The following PHF21B variants were observed in gnomAD, a reference collection of about 807,000 sequenced individuals.
PHF21B encodes the protein PHD finger protein 21B, also known as PHD finger protein 4.
PHF21B carries 22 observed loss-of-function variants against 62.2 expected under a neutral mutation model. That is an observed-to-expected ratio of 0.35 (90% CI 0.25 to 0.51). The LOEUF (loss-of-function observed/expected upper bound fraction) is 0.51, where lower values mean the gene tolerates loss of function less well. PHF21B is among the 20% of genes least tolerant of loss of function. The pLI, the probability that PHF21B is intolerant of heterozygous loss-of-function variation, is 0.97. For missense variants in PHF21B, 701 were observed against 707.9 expected (o/e 0.99, Z 0.11); for synonymous variants, 341 against 314.7 (o/e 1.08, Z -0.88).
intron 2 of PHF21B, among the ~76,000 whole-genome samples, chr22:44,950,773 CT>C (rs1242320581): frequency 1.3e-5 from 2 of 152,184 alleles, no homozygotes; most frequent in African/African-American, 2.4e-5. Context: ...TTGCTGTTTC[CT>C]TTTAAATGCA....
At chr22:44,962,184 T>C (rs2072437739) in intron 2 of PHF21B, among the ~76,000 whole-genome samples, 1 of 152,208 alleles carries the variant, frequency 6.6e-6, no homozygotes, top group African/African-American at 2.4e-5. Context: ...TTGAGAAATC[T>C]CCAAACTGCC....
rs749238504 is a variant in PHF21B at position 44,888,107 on chromosome 22, G to A, written c.1053C>T (p.His351=). 2.6e-6 allele frequency: 4 copies of A among 1,533,000 alleles called. No homozygotes were observed. The highest frequency in any genetic ancestry group is 3.5e-6 in the Non-Finnish European group (4 of 1,138,334). 95.0% of individuals were successfully genotyped at this position (1,533,000 alleles called of 1,614,324 possible). A position where few individuals can be genotyped will look rare whatever the true frequency, so the allele number is the denominator to read the frequency against. Residue 351 remains histidine (H), a synonymous_variant, in exon 10 of 13, where the codon CAC becomes CAT. Coordinates refer to ENST00000313237, the MANE Select transcript of PHF21B (RefSeq NM_138415.5). ...GCTTGCAGGCGGCACAGTGCTCATCGTGGGTGATCTCGTTCTGGAAGAGAA... is the reference window on the plus strand; with the variant it reads ...GCTTGCAGGCGGCACAGTGCTCATCATGGGTGATCTCGTTCTGGAAGAGAA... ...EDPCWKNEIT[H]DEHCAACKRG...
intron 2 of PHF21B, among the ~76,000 whole-genome samples, chr22:44,987,830 C>T (rs936246943): frequency 2.6e-5 from 4 of 152,024 alleles, no homozygotes; most frequent in Non-Finnish European, 5.9e-5. Context: ...CACCCTTCAC[C>T]CCTCATTGGC....
intron 2 of PHF21B, among the ~76,000 whole-genome samples, chr22:44,982,645 C>T (rs1400819459): frequency 6.6e-6 from 1 of 152,192 alleles, no homozygotes; most frequent in African/African-American, 2.4e-5. Flanking sequence ...GCTCAACTCC[C>T]GTCAAATGAG....
intron 2 of PHF21B, chr22:44,967,253 C>G (rs2072546684): frequency 7.4e-6 from 1 of 135,448 alleles, no homozygotes; most frequent in African/African-American, 2.8e-5. Context: ...TGGAGTCTTG[C>G]TCTGTGGCCA....
intron 2 of PHF21B, 22 bp downstream of exon 2, chr22:45,008,523 G>T (rs1455844739): frequency 1.3e-6 from 2 of 1,556,566 alleles, no homozygotes; most frequent in Non-Finnish European, 1.7e-6. Context: ...ATCCCAGGGG[G>T]GGCCGCGATC....
chr22:44,960,052 T>C (rs2072386511), intron 2 of PHF21B, among the ~76,000 whole-genome samples: 1 of 152,162 alleles, frequency 6.6e-6, no homozygotes, highest in South Asian at 2.1e-4. Context: ...TGCAACCCTC[T>C]CTAATGGCTG....
At chr22:44,966,730 A>G (rs910381814) in intron 2 of PHF21B, among the ~76,000 whole-genome samples, 1 of 152,224 alleles carries the variant, frequency 6.6e-6, no homozygotes, top group African/African-American at 2.4e-5. Flanking sequence ...CAGCAAAGCC[A>G]TCAAGACCAA....
chr22:44,978,462 C>T (rs180939103), intron 2 of PHF21B, among the ~76,000 whole-genome samples: 1 of 152,282 alleles, frequency 6.6e-6, no homozygotes, highest in East Asian at 1.9e-4. Context: ...CGGGTTCAAG[C>T]GATTCTCCTG....
At position 44,958,598 on chromosome 22, in the gene PHF21B, A is replaced by ATTTTTTTTTT. The variant is rs59943293; in HGVS notation, c.121-38118_121-38109dup. On this transcript the variant is annotated intron_variant, in intron 2 of 12. Coordinates refer to ENST00000313237, the MANE Select transcript of PHF21B (RefSeq NM_138415.5). ...AGCTTCATCTTCCAGCCTTCCTTTG[A>ATTTTTTTTTT]TTTTTTTTTTTTTTTTTTTTTTTTT... Among the ~76,000 whole-genome samples the ATTTTTTTTTT allele has an allele frequency of 1.2e-3, 91 of 75,900 alleles. 6 individuals carry two copies. Among genetic ancestry groups the ATTTTTTTTTT allele is most frequent in the Admixed American group, 1.4e-3 (6 of 4,398 alleles). 49.8% of individuals were successfully genotyped at this position (75,900 alleles called of 152,430 possible). A position where few individuals can be genotyped will look rare whatever the true frequency, so the allele number is the denominator to read the frequency against.
intron 5 of PHF21B, among the ~76,000 whole-genome samples, chr22:44,910,228 C>T (rs933263729): frequency 6.6e-6 from 1 of 152,114 alleles, no homozygotes; most frequent in Non-Finnish European, 1.5e-5. Flanking sequence ...AGAAACCACT[C>T]CTGGGGGCCA....
chr22:44,969,993 C>T (rs939768474), intron 2 of PHF21B, among the ~76,000 whole-genome samples: 2 of 152,216 alleles, frequency 1.3e-5, no homozygotes, highest in Non-Finnish European at 2.9e-5. Context: ...CCTCCAGCAG[C>T]GCAGCCACTT....
In PHF21B at chr22:44,931,348, C is replaced by T. The variant is rs534363944; in HGVS notation, c.121-10858G>A. Among the ~76,000 whole-genome samples, 91 of 152,146 alleles carry T rather than the reference C, an allele frequency of 6.0e-4. 1 individual carries two copies. The highest frequency in any genetic ancestry group is 2.0e-3 in the African/African-American group (82 of 41,484). On this transcript the variant is annotated intron_variant, in intron 2 of 12. Transcript: ENST00000313237. ...CTGTGGCCCGGCTGCCAGGCGCAGG[C>T]GGCTCCCACCCGGCTCGGTCTCGGT...
Position 44,966,147 on chromosome 22 carries a change from T to C in PHF21B, c.120+42398A>G, listed in dbSNP as rs1038610240. ...ATATCCTGGGCACTCCCTGCATCCC[T>C]CCAGTCCCTCGCTCCTACGCTGCCT... On this transcript the variant is annotated intron_variant, in intron 2 of 12. Coordinates refer to ENST00000313237, the MANE Select transcript of PHF21B (RefSeq NM_138415.5). Among the ~76,000 whole-genome samples, 4 of 152,038 alleles carry C rather than the reference T, an allele frequency of 2.6e-5. 1 individual carries two copies. In the South Asian group the frequency reaches 8.3e-4, roughly 31 times the overall value.
intron 2 of PHF21B, among the ~76,000 whole-genome samples, chr22:44,978,985 A>AC (rs2072788865): frequency 6.6e-6 from 1 of 152,028 alleles, no homozygotes; most frequent in Admixed American, 6.6e-5. Context: ...TCACAGCCTC[A>AC]CCCCCAGTAA....
intron 12 of PHF21B, among the ~76,000 whole-genome samples, chr22:44,884,920 T>G (rs2070828802): frequency 6.6e-6 from 1 of 152,194 alleles, no homozygotes; most frequent in South Asian, 2.1e-4. Flanking sequence ...AACCATCATC[T>G]TCATTATCTT....
intron 2 of PHF21B, among the ~76,000 whole-genome samples, chr22:44,982,187 A>G (rs1219252327): frequency 2.6e-5 from 4 of 151,988 alleles, no homozygotes; most frequent in Non-Finnish European, 4.4e-5. Context: ...TTTTCAGATG[A>G]GGGGAACCCG....
At chr22:44,938,003 A>C (rs1199435311) in intron 2 of PHF21B, among the ~76,000 whole-genome samples, 2 of 152,398 alleles carry the variant, frequency 1.3e-5, no homozygotes, top group South Asian at 2.1e-4. Flanking sequence ...CACAACTGTC[A>C]AAACTCATCC....
chr22:44,989,637 T>C (rs1340279260), intron 2 of PHF21B: 1 of 131,724 alleles, frequency 7.6e-6, no homozygotes, highest in African/African-American at 3.0e-5. Context: ...TTGAGACGAG[T>C]CTCACTCTGT....
Sources: allele counts gnomAD v4.1 joint callset (sites outside exome capture counted in the v4.1 genomes callset), GRCh38; gene constraint gnomAD v4.1.1; transcripts MANE v1.5; gene names NCBI Gene and HGNC (gene_info 2026-07-23, HGNC 2026-07-21).